Variants in TMEM132C observed in about 807,000 individuals in gnomAD.
TMEM132C encodes transmembrane protein 132C, also known as protein phosphatase 1, regulatory subunit 152.
Under a neutral mutation model 61.4 loss-of-function variants are expected in TMEM132C, and 29 were observed. The observed-to-expected ratio is 0.47, with a 90% CI of 0.35 to 0.64. The LOEUF (loss-of-function observed/expected upper bound fraction) is 0.64, where lower values mean the gene tolerates loss of function less well. Among genes scored for constraint, TMEM132C ranks in the 30% least tolerant of loss-of-function variants. TMEM132C has a pLI of 0.00. For missense variants in TMEM132C, 1,408 were observed against 1,476.9 expected, an observed-to-expected ratio of 0.95 and a Z score of 0.76; for synonymous variants, 656 against 633.1, an observed-to-expected ratio of 1.04 and a Z score of -0.54.
At chr12:128,525,900 A>G (rs948472414) in intron 2 of TMEM132C, among the ~76,000 whole-genome samples, 1 of 152,178 alleles carries the variant, frequency 6.6e-6, no homozygotes, top group South Asian at 2.1e-4. Context: ...CCACATACAT[A>G]TGACCCTTGC....
intron 1 of TMEM132C, among the ~76,000 whole-genome samples, chr12:128,285,156 G>T (rs955939283): frequency 2.0e-5 from 3 of 152,094 alleles, no homozygotes; most frequent in African/African-American, 7.2e-5. Context: ...AGGTAGGAGG[G>T]ATAAGTTCCA....
intron 2 of TMEM132C, among the ~76,000 whole-genome samples, chr12:128,424,255 G>T (rs1473945760): frequency 1.3e-5 from 2 of 152,026 alleles, no homozygotes. Flanking sequence ...AAATATACAT[G>T]ATTACAAAAC....
intron 4 of TMEM132C, among the ~76,000 whole-genome samples, chr12:128,665,847 A>G (rs528466662): frequency 0.02 from 2,818 of 137,820 alleles, 120 homozygotes; most frequent in African/African-American, 0.059. Flanking sequence ...AAACACAGGC[A>G]CACACACACA....
At chr12:128,317,088 C>T (rs556227790) in intron 1 of TMEM132C, among the ~76,000 whole-genome samples, 1 of 152,258 alleles carries the variant, frequency 6.6e-6, no homozygotes, top group African/African-American at 2.4e-5. Flanking sequence ...GTTTAATTCC[C>T]ATGTGGGACT....
At chr12:128,532,985 A>G (rs7302514) in intron 2 of TMEM132C, among the ~76,000 whole-genome samples, 107,941 of 152,116 alleles carry the variant, frequency 0.71, 38,772 homozygotes, top group African/African-American at 0.78. Context: ...TTCCTTTAGA[A>G]GAAGCAGCTT....
At chr12:128,338,615 A>G (rs1872857500) in intron 1 of TMEM132C, among the ~76,000 whole-genome samples, 2 of 151,950 alleles carry the variant, frequency 1.3e-5, no homozygotes, top group South Asian at 4.2e-4. Context: ...AGAGCTGGAA[A>G]AAGTTCTCCA....
chr12:128,651,771 C>G (rs538460222), intron 4 of TMEM132C, among the ~76,000 whole-genome samples: 14 of 152,052 alleles, frequency 9.2e-5, no homozygotes, highest in Non-Finnish European at 1.5e-4. Flanking sequence ...CAACAGCACT[C>G]CAGGCAGAAG....
chr12:128,646,998 TGTGA>T (rs1954206988), intron 4 of TMEM132C, among the ~76,000 whole-genome samples: 2 of 151,136 alleles, frequency 1.3e-5, no homozygotes, highest in African/African-American at 4.9e-5. Context: ...CAGCATTGGA[TGTGA>T]GTGTGTTTAC....
intron 1 of TMEM132C, among the ~76,000 whole-genome samples, chr12:128,287,533 G>A (rs1454027453): frequency 6.8e-6 from 1 of 146,744 alleles, no homozygotes; most frequent in Non-Finnish European, 1.5e-5. Flanking sequence ...ATCTATCTGT[G>A]TGTGTGTCTC....
chr12:128,536,663 G>A (rs187300825), intron 2 of TMEM132C, among the ~76,000 whole-genome samples: 30 of 152,260 alleles, frequency 2.0e-4, no homozygotes, highest in African/African-American at 6.5e-4. Flanking sequence ...GGGACCCCCT[G>A]GTAATCACAT....
chr12:128,373,205 A>C (rs535710188), intron 1 of TMEM132C, among the ~76,000 whole-genome samples: 1 of 152,264 alleles, frequency 6.6e-6, no homozygotes, highest in African/African-American at 2.4e-5. Context: ...CTCTTCCCAC[A>C]GGATCAAAAA....
chr12:128,314,087 C>A (rs1381035066), intron 1 of TMEM132C, among the ~76,000 whole-genome samples: 1 of 152,164 alleles, frequency 6.6e-6, no homozygotes, highest in Non-Finnish European at 1.5e-5. Flanking sequence ...AATTTGGAAT[C>A]TCTTTAATAG....
intron 1 of TMEM132C, among the ~76,000 whole-genome samples, chr12:128,387,457 T>C (rs1874623204): frequency 6.6e-6 from 1 of 152,154 alleles, no homozygotes; most frequent in South Asian, 2.1e-4. Flanking sequence ...GTAACTGAGT[T>C]CCATTGTAGA....
intron 4 of TMEM132C, among the ~76,000 whole-genome samples, chr12:128,622,359 AAATATATATATAT>A (rs1192116573): frequency 3.7e-4 from 21 of 56,400 alleles, no homozygotes; most frequent in African/African-American, 2.1e-3. Context: ...AAAAAAAAAA[AAATATATATATAT>A]ATATATATAT....
At chr12:128,523,499 C>A (rs897487587) in intron 2 of TMEM132C, among the ~76,000 whole-genome samples, 3 of 152,070 alleles carry the variant, frequency 2.0e-5, no homozygotes, top group African/African-American at 7.2e-5. Flanking sequence ...GGAGACAGAA[C>A]TAGATTCAAG....
intron 1 of TMEM132C, among the ~76,000 whole-genome samples, chr12:128,283,655 A>G (rs1457542299): frequency 6.6e-6 from 1 of 151,966 alleles, no homozygotes; most frequent in South Asian, 2.1e-4. Flanking sequence ...TATCTAATCT[A>G]TTTATCTGCC....
intron 2 of TMEM132C, among the ~76,000 whole-genome samples, chr12:128,465,956 G>A (rs1870719614): frequency 6.6e-6 from 1 of 152,154 alleles, no homozygotes; most frequent in Non-Finnish European, 1.5e-5. Flanking sequence ...AGCACTGGGA[G>A]TGAGGTTGAA....
chr12:128,516,095 A>G (rs1872709015), intron 2 of TMEM132C, among the ~76,000 whole-genome samples: 1 of 152,212 alleles, frequency 6.6e-6, no homozygotes, highest in African/African-American at 2.4e-5. Flanking sequence ...ACGAGGCCTG[A>G]TGCCACAACA....
chr12:128,476,784 G>A (rs963878883), intron 2 of TMEM132C, among the ~76,000 whole-genome samples: 14 of 152,122 alleles, frequency 9.2e-5, no homozygotes, highest in South Asian at 4.1e-4. Context: ...CCCAAGTGAC[G>A]GAACTTCAGA....
Sources: gnomAD v4.1 joint callset for allele counts (sites outside exome capture counted in the v4.1 genomes callset) on GRCh38, gnomAD v4.1.1 for gene constraint, MANE v1.5 for transcripts, NCBI Gene and HGNC (gene_info 2026-07-23, HGNC 2026-07-21) for gene names.